The following LINGO2 variants were observed in gnomAD, a reference collection of about 807,000 sequenced individuals.
The protein encoded by LINGO2 is leucine rich repeat and Ig domain containing 2.
Under a neutral mutation model 30.6 loss-of-function variants are expected in LINGO2, and 14 were observed. The observed-to-expected ratio is 0.46, with a 90% CI of 0.30 to 0.72. The LOEUF (loss-of-function observed/expected upper bound fraction) is 0.72. Ranked by LOEUF, LINGO2 falls within the 30% of genes least tolerant of loss-of-function variation. LINGO2 has a pLI of 0.07. For missense variants in LINGO2, 729 were observed against 751.7 expected, an observed-to-expected ratio of 0.97 and a Z score of 0.35; for synonymous variants, 317 against 288.5, an observed-to-expected ratio of 1.10 and a Z score of -1.00.
chr9:28,864,277 GT>G, the LINGO2 span, among the ~76,000 whole-genome samples: 2 of 151,958 alleles, frequency 1.3e-5, no homozygotes, highest in Non-Finnish European at 2.9e-5. Context: ...TAACCTGAGT[GT>G]TTTTTCCTCT....
At chr9:28,713,558 T>C in the LINGO2 span, among the ~76,000 whole-genome samples, 1 of 152,152 alleles carries the variant, frequency 6.6e-6, no homozygotes, top group African/African-American at 2.4e-5. Context: ...GGTATTTCTG[T>C]GTCTATTTTC....
At position 28,399,983 on chromosome 9, in the gene LINGO2, T is replaced by C. The variant is rs1433875739; in HGVS notation, c.-278-27115A>G. 7.2e-5 allele frequency among the ~76,000 whole-genome samples: 11 copies of C among 152,128 alleles called. 1 individual carries two copies. Among genetic ancestry groups the C allele is most frequent in the Admixed American group, 1.3e-4 (2 of 15,274 alleles). On this transcript the variant is annotated intron_variant, in intron 2 of 5. Coordinates refer to ENST00000379992, the Ensembl canonical transcript of LINGO2. ...TAGTTTATAAAATTAAAACGAATGG[T>C]CTATGGTGTCCAAAAAGCAGTCAGT...
chr9:28,269,000 G>C (rs1301255568), intron 4 of LINGO2, among the ~76,000 whole-genome samples: 3 of 152,016 alleles, frequency 2.0e-5, no homozygotes, highest in African/African-American at 7.2e-5. Context: ...CAGAATGCAT[G>C]CTGTTCTTCC....
In LINGO2 at chr9:28,453,930, C is replaced by T. The variant is rs142750068; in HGVS notation, c.-279+22010G>A. ...TATTGCATATGAATACTGACCCATG[C>T]CTTTAATTTTTGCTGCAGCTGCCTT... On this transcript the variant is annotated intron_variant, in intron 2 of 5. Coordinates refer to ENST00000379992, the Ensembl canonical transcript of LINGO2. Among the ~76,000 whole-genome samples the T allele has an allele frequency of 2.5e-4, 38 of 152,100 alleles. No individual in the cohort carries two copies. The East Asian group carries it at 6.8e-3, about 27-fold the overall frequency.
chr9:28,180,286 G>T (rs533130224), intron 4 of LINGO2, among the ~76,000 whole-genome samples: 1 of 152,240 alleles, frequency 6.6e-6, no homozygotes, highest in East Asian at 1.9e-4. Context: ...CGATAAGGAA[G>T]GTCCCCAGTA....
At chr9:28,932,142 T>TAAAATAAAATAAAAC in the LINGO2 span, among the ~76,000 whole-genome samples, 1 of 107,172 alleles carries the variant, frequency 9.3e-6, no homozygotes, top group Non-Finnish European at 1.9e-5. Flanking sequence ...TAAGATAAAA[T>TAAAATAAAATAAAAC]AAAATAAAAT....
At chr9:28,586,431 C>G (rs916618131) in intron 1 of LINGO2, among the ~76,000 whole-genome samples, 2 of 151,966 alleles carry the variant, frequency 1.3e-5, no homozygotes, top group Non-Finnish European at 2.9e-5. Context: ...ATGATGAGAA[C>G]TTGGCCTTTA....
At chr9:29,099,430 A>G in the LINGO2 span, among the ~76,000 whole-genome samples, 2 of 152,180 alleles carry the variant, frequency 1.3e-5, no homozygotes, top group African/African-American at 4.8e-5. Context: ...GAAACAATCA[A>G]TGTAGTGAAG....
intron 2 of LINGO2, among the ~76,000 whole-genome samples, chr9:28,432,253 G>T (rs1823709928): frequency 6.6e-6 from 1 of 151,922 alleles, no homozygotes; most frequent in Admixed American, 6.6e-5. Context: ...AGATAGTTTA[G>T]TTATGGGTCA....
At chr9:29,001,386 T>A in the LINGO2 span, among the ~76,000 whole-genome samples, 1 of 152,024 alleles carries the variant, frequency 6.6e-6, no homozygotes, top group African/African-American at 2.4e-5. Flanking sequence ...ATGTTGATAT[T>A]TTTAAGCATA....
intron 1 of LINGO2, among the ~76,000 whole-genome samples, chr9:28,488,894 G>A (rs1826276935): frequency 6.6e-6 from 1 of 152,094 alleles, no homozygotes; most frequent in East Asian, 1.9e-4. Flanking sequence ...AATAAGGCTG[G>A]ATAAATATTG....
the LINGO2 span, among the ~76,000 whole-genome samples, chr9:29,209,995 A>C: frequency 6.6e-6 from 1 of 152,166 alleles, no homozygotes; most frequent in Non-Finnish European, 1.5e-5. Context: ...CTTTCACAGA[A>C]TATCTAGAGA....
intron 4 of LINGO2, among the ~76,000 whole-genome samples, chr9:28,146,015 G>A (rs1245189476): frequency 1.3e-5 from 2 of 152,144 alleles, no homozygotes; most frequent in Non-Finnish European, 2.9e-5. Flanking sequence ...GGCCACAGTT[G>A]TACAGCATTG....
At chr9:28,145,639 CCTT>C (rs1564000622) in intron 4 of LINGO2, among the ~76,000 whole-genome samples, 5 of 151,936 alleles carry the variant, frequency 3.3e-5, no homozygotes, top group African/African-American at 9.7e-5. Flanking sequence ...TTCTCTCTCT[CCTT>C]CTCTCCCTCC....
the LINGO2 span, among the ~76,000 whole-genome samples, chr9:29,120,588 C>A: frequency 6.6e-6 from 1 of 152,136 alleles, no homozygotes; most frequent in African/African-American, 2.4e-5. Context: ...ACAACCAATG[C>A]TCTAATTAAA....
At chr9:28,809,345 G>A in the LINGO2 span, among the ~76,000 whole-genome samples, 1 of 152,278 alleles carries the variant, frequency 6.6e-6, no homozygotes, top group African/African-American at 2.4e-5. Context: ...TCTTGCCAAG[G>A]TAACACCATC....
intron 1 of LINGO2, among the ~76,000 whole-genome samples, chr9:28,484,378 G>A (rs77392359): frequency 0.022 from 3,303 of 152,076 alleles, 104 homozygotes; most frequent in East Asian, 0.099. Flanking sequence ...TCATACATCC[G>A]TCCAAGTTTT....
the LINGO2 span, among the ~76,000 whole-genome samples, chr9:29,071,856 C>T: frequency 1.3e-5 from 2 of 152,016 alleles, no homozygotes; most frequent in Non-Finnish European, 2.9e-5. Flanking sequence ...TATATTTATG[C>T]TCTCAATTCT....
the LINGO2 span, among the ~76,000 whole-genome samples, chr9:29,189,880 C>G: frequency 6.6e-6 from 1 of 151,406 alleles, no homozygotes; most frequent in African/African-American, 2.5e-5. Context: ...GGCGTGGCAG[C>G]GCGCGCCTGC....
Sources: allele counts gnomAD v4.1 joint callset (sites outside exome capture counted in the v4.1 genomes callset), GRCh38; gene constraint gnomAD v4.1.1; transcripts MANE v1.5; gene names NCBI Gene and HGNC (gene_info 2026-07-23, HGNC 2026-07-21).